The following CCDC112 variants were observed in gnomAD, a reference collection of about 807,000 sequenced individuals.
CCDC112 encodes the protein coiled-coil domain containing 112, also known as coiled-coil domain-containing protein 112.
In CCDC112, 40 loss-of-function variants were observed where a neutral mutation model predicts 66.3. The observed-to-expected ratio is 0.60, with a 90% CI of 0.47 to 0.79. CCDC112 has a LOEUF of 0.79. CCDC112 is among the 30% of genes least tolerant of loss of function. The pLI, the probability that CCDC112 is intolerant of heterozygous loss-of-function variation, is 0.00. For missense variants in CCDC112, 659 were observed against 603.8 expected (o/e 1.09, Z -0.96); for synonymous variants, 214 against 197.2 (o/e 1.09, Z -0.71).
chr5:115,282,487 C>T (rs1346048966), intron 2 of CCDC112, among the ~76,000 whole-genome samples: 1 of 152,160 alleles, frequency 6.6e-6, no homozygotes, highest in East Asian at 1.9e-4. Flanking sequence ...TTTGTGTGTG[C>T]CTCTAGAGAG....
chr5:115,278,290 T>C (rs769708704), intron 3 of CCDC112, among the ~76,000 whole-genome samples: 2 of 152,106 alleles, frequency 1.3e-5, no homozygotes, highest in African/African-American at 2.4e-5. Flanking sequence ...ATCATTTAAG[T>C]ACAATATGAC....
chr5:115,271,053 A>G (rs1331404317), intron 7 of CCDC112, among the ~76,000 whole-genome samples, 160 bp downstream of exon 7: 1 of 152,200 alleles, frequency 6.6e-6, no homozygotes, highest in African/African-American at 2.4e-5. Context: ...CCACTAGACT[A>G]TAACCTACTA....
At chr5:115,280,798 C>A (rs1749421943) in intron 2 of CCDC112, among the ~76,000 whole-genome samples, 2 of 152,008 alleles carry the variant, frequency 1.3e-5, no homozygotes, top group Admixed American at 6.6e-5. Flanking sequence ...AAGTGATCTG[C>A]CCACCTCGGC....
At chr5:115,281,086 C>A (rs953666412) in intron 2 of CCDC112, among the ~76,000 whole-genome samples, 1 of 150,706 alleles carries the variant, frequency 6.6e-6, no homozygotes, top group African/African-American at 2.4e-5. Context: ...TGCAGTGGTG[C>A]GATTTCAGCT....
rs772647921 is a variant in CCDC112 at position 115,296,493 on chromosome 5, G to C, written c.51C>G (p.Ala17=). The change falls in exon 1 of 10, where the codon GCC becomes GCG. Residue 17 remains alanine (A), a synonymous_variant. Coordinates refer to ENST00000379611, the MANE Select transcript of CCDC112 (RefSeq NM_001040440.3). ...CCGCGCCCGCCCCTGCCACAGCCCC[G>C]GCTACCGCGGTGGCCGCAGCCGCTA... The part of the protein sequence containing the change: ...VVVAAAATAV[A]GAVAGAGAAT... The C allele has an allele frequency of 6.4e-7, 1 of 1,558,620 alleles. No individual in the cohort carries two copies. The highest frequency in any genetic ancestry group is 8.6e-7 in the Non-Finnish European group (1 of 1,158,934).
chr5:115,292,618 A>G (rs1387671565), intron 1 of CCDC112, among the ~76,000 whole-genome samples: 1 of 152,160 alleles, frequency 6.6e-6, no homozygotes, highest in East Asian at 1.9e-4. Flanking sequence ...CAAAAATGAG[A>G]TTCTCTCCCC....
intron 2 of CCDC112, among the ~76,000 whole-genome samples, chr5:115,282,050 G>A (rs1174584015): frequency 1.3e-5 from 2 of 152,040 alleles, no homozygotes; most frequent in East Asian, 3.9e-4. Flanking sequence ...TGTGGGTATG[G>A]TAATTAATTG....
chr5:115,270,902 A>G (rs531214568), intron 7 of CCDC112, among the ~76,000 whole-genome samples: 1 of 152,100 alleles, frequency 6.6e-6, no homozygotes, highest in East Asian at 1.9e-4. Context: ...TCAAGACTCA[A>G]CCTAAGTATT....
chr5:115,288,339 T>C (rs1171645943), intron 1 of CCDC112, among the ~76,000 whole-genome samples: 4 of 152,214 alleles, frequency 2.6e-5, no homozygotes, highest in African/African-American at 9.7e-5. Context: ...GAGGGAAATT[T>C]TCCTTAAGAG....
intron 3 of CCDC112, among the ~76,000 whole-genome samples, chr5:115,279,133 G>C (rs78415117): frequency 0.011 from 1,639 of 152,214 alleles, 27 homozygotes; most frequent in African/African-American, 0.038. Context: ...CAGATGCATA[G>C]TACGGCTCTC....
At chr5:115,276,264 T>A (rs1749202322) in intron 4 of CCDC112, among the ~76,000 whole-genome samples, 195 bp from the exon 5 acceptor site, 1 of 152,204 alleles carries the variant, frequency 6.6e-6, no homozygotes, top group Non-Finnish European at 1.5e-5. Context: ...TATATACTCA[T>A]ATCATAATTA....
intron 1 of CCDC112, chr5:115,289,347 A>C (rs1301496167): frequency 6.4e-6 from 1 of 156,262 alleles, no homozygotes; most frequent in Non-Finnish European, 1.4e-5. Flanking sequence ...GCAGCAGGAA[A>C]GGCACCTGCC....
Position 115,269,743 on chromosome 5 carries a change from T to C in CCDC112, c.1388A>G (p.Lys463Arg). The C allele has an allele frequency of 6.2e-7, 1 of 1,603,072 alleles. No individual in the cohort carries two copies. Residue 463 changes from lysine (K) to arginine (R), a missense_variant, in exon 8 of 10, where the codon AAG becomes AGG. By Grantham distance (26) the Lys-to-Arg change is conservative. Coordinates refer to ENST00000379611, the MANE Select transcript of CCDC112 (RefSeq NM_001040440.3). Reference protein sequence around the residue: ...ILDRQAKEDEKSQKQRRLAKL... With the variant: ...ILDRQAKEDERSQKQRRLAKL... ...TGCCAGTCTTCTTTGTTTTTGTGAC[T>C]TTTCATCTTCCTTTGCCTGTCTATC... is the stretch of plus-strand genomic sequence containing the variant.
intron 3 of CCDC112, 116 bp from the exon 4 acceptor site, chr5:115,277,170 A>G (rs964555513): frequency 1.2e-5 from 7 of 601,672 alleles, no homozygotes; most frequent in Non-Finnish European, 2.1e-5. Context: ...TTAAATAAAG[A>G]ACAAAAGATA....
intron 2 of CCDC112, among the ~76,000 whole-genome samples, chr5:115,281,439 T>C (rs1749452883): frequency 6.6e-6 from 1 of 152,152 alleles, no homozygotes; most frequent in East Asian, 1.9e-4. Flanking sequence ...GCATGTGTGT[T>C]TAGGTAGCTT....
In CCDC112 at chr5:115,291,889, T is replaced by A. The variant is rs572563697; in HGVS notation, c.117+4538A>T. On this transcript the variant is annotated intron_variant, in intron 1 of 9. Transcript: ENST00000379611. ...GTTAATCTTATTGAGGAATTCCTTATATGTAATGAACTGTTTCTTTCTTGG... is the reference window on the plus strand; with the variant it reads ...GTTAATCTTATTGAGGAATTCCTTAAATGTAATGAACTGTTTCTTTCTTGG... Among the ~76,000 whole-genome samples the A allele has an allele frequency of 1.2e-3, 182 of 152,288 alleles. 2 individuals carry two copies. Among genetic ancestry groups the A allele is most frequent in the Non-Finnish European group, 2.1e-3 (141 of 67,994 alleles).
At chr5:115,278,441 T>G (rs1749301688) in intron 3 of CCDC112, among the ~76,000 whole-genome samples, 1 of 151,884 alleles carries the variant, frequency 6.6e-6, no homozygotes, top group South Asian at 2.1e-4. Context: ...AAACATAAAG[T>G]GTAGTAACAC....
At chr5:115,276,225 C>G (rs879192906) in intron 4 of CCDC112, among the ~76,000 whole-genome samples, 156 bp from the exon 5 acceptor site, 1 of 152,124 alleles carries the variant, frequency 6.6e-6, no homozygotes, top group African/African-American at 2.4e-5. Flanking sequence ...TTTATGATTG[C>G]TATTTTTTCT....
chr5:115,293,935 G>A (rs1750041199), intron 1 of CCDC112, among the ~76,000 whole-genome samples: 1 of 152,116 alleles, frequency 6.6e-6, no homozygotes, highest in African/African-American at 2.4e-5. Context: ...CTTCAAAAAA[G>A]TCATAATTCA....
Sources: allele counts gnomAD v4.1 joint callset (sites outside exome capture counted in the v4.1 genomes callset), GRCh38; gene constraint gnomAD v4.1.1; transcripts MANE v1.5; gene names NCBI Gene and HGNC (gene_info 2026-07-23, HGNC 2026-07-21).